Variants in HTR2C observed in about 807,000 individuals in gnomAD.
HTR2C encodes 5-hydroxytryptamine receptor 2C.
Under a neutral mutation model 21.0 loss-of-function variants are expected in HTR2C, and 5 were observed. The observed-to-expected ratio is 0.24, with a 90% confidence interval of 0.12 to 0.50. HTR2C has a LOEUF of 0.50. Among genes scored for constraint, HTR2C ranks in the 20% least tolerant of loss-of-function variants. The pLI is 0.98. For synonymous variants in HTR2C, 150 were observed against 145.3 expected, an observed-to-expected ratio of 1.03 and a Z score of -0.23; for missense variants, 271 against 371.2, an observed-to-expected ratio of 0.73 and a Z score of 2.22.
At chrX:114,654,816 G>A (rs1930724507) in intron 2 of HTR2C, among the ~76,000 whole-genome samples, 1 of 110,469 alleles carries the variant, frequency 9.1e-6, no homozygotes, top group Admixed American at 9.7e-5. Context: ...GAAGGTAGAG[G>A]AGTCAGTCAG....
rs782441080 is a variant in HTR2C, at chrX:114,740,219, T to TTTCTAATGA, written c.349+8614_349+8615insCTAATGATT. On this transcript the variant is annotated intron_variant, in intron 4 of 5. Transcript: ENST00000276198. ...TGGTCCTTAAATACATGAAAATATGTTTAATCTCAATCATTAGAAGGAAAA... is the reference window on the plus strand; with the variant it reads ...TGGTCCTTAAATACATGAAAATATGTTTCTAATGATTAATCTCAATCATTAGAAGGAAAA... Among the ~76,000 whole-genome samples the TTTCTAATGA allele has an allele frequency of 2.7e-5, 3 of 109,876 alleles. No individual in the cohort carries two copies. In the South Asian group the frequency reaches 1.2e-3, roughly 42 times the overall value.
At chrX:114,787,978 A>C (rs1556442495) in intron 4 of HTR2C, among the ~76,000 whole-genome samples, 2 of 110,436 alleles carry the variant, frequency 1.8e-5, no homozygotes, top group African/African-American at 6.6e-5. Context: ...AATCCTAAAA[A>C]AATTCCCTGG....
In HTR2C at chrX:114,825,514, G is replaced by A. The variant is rs188676936; in HGVS notation, c.350-22489G>A. ...GATTGCAACCATTTTAATTTCTTCA[G>A]GTATATTTTATGAGCCAGAATATGG... On this transcript the variant is annotated intron_variant, in intron 4 of 5. Coordinates refer to ENST00000276198, the MANE Select transcript of HTR2C (RefSeq NM_000868.4). 2.5e-3 allele frequency among the ~76,000 whole-genome samples: 282 copies of A among 111,348 alleles called. 1 individual carries two copies. Among genetic ancestry groups the A allele is most frequent in the African/African-American group, 8.8e-3 (269 of 30,736 alleles).
In HTR2C at chrX:114,615,604, G is replaced by A. The variant is rs1191287036; in HGVS notation, c.-80+1723G>A. On this transcript the variant is annotated intron_variant, in intron 2 of 5. Coordinates refer to ENST00000276198, the MANE Select transcript of HTR2C (RefSeq NM_000868.4). ...CAAGACTATCTCACATATATCATTG[G>A]CATGGTAAGCCTCGCCTGGTAGTAA... is the stretch of plus-strand genomic sequence containing the variant. Among the ~76,000 whole-genome samples the A allele has an allele frequency of 4.5e-5, 5 of 111,840 alleles. No individual in the cohort carries two copies. In the South Asian group the frequency reaches 1.9e-3, roughly 42 times the overall value.
At chrX:114,806,190 CAT>C (rs1296527171) in intron 4 of HTR2C, among the ~76,000 whole-genome samples, 6 of 97,730 alleles carry the variant, frequency 6.1e-5, no homozygotes, top group African/African-American at 1.8e-4. Flanking sequence ...ATATATACAC[CAT>C]ATATATACCA....
At chrX:114,611,081 T>C in intron 1 of HTR2C, among the ~76,000 whole-genome samples, 1 of 112,188 alleles carries the variant, frequency 8.9e-6, no homozygotes, top group Middle Eastern at 4.7e-3. Context: ...GGAGCAGTAA[T>C]GTTTTAGTGT....
At chrX:114,719,684 T>G (rs1556420340) in intron 2 of HTR2C, among the ~76,000 whole-genome samples, 1 of 111,871 alleles carries the variant, frequency 8.9e-6, no homozygotes, top group African/African-American at 3.2e-5. Flanking sequence ...TTACTCATTC[T>G]TCTCAATAAA....
intron 2 of HTR2C, among the ~76,000 whole-genome samples, chrX:114,644,367 AT>A (rs1930269932): frequency 0.021 from 997 of 48,194 alleles, 13 homozygotes; most frequent in East Asian, 0.051. Flanking sequence ...AAATAAATAT[AT>A]ATATATATAT....
chrX:114,598,963 G>T (rs1927976782), intron 1 of HTR2C, among the ~76,000 whole-genome samples: 1 of 97,451 alleles, frequency 1.0e-5, no homozygotes, highest in African/African-American at 3.7e-5. Flanking sequence ...ACTGCAGAGA[G>T]AACTTAAATT....
In HTR2C at chrX:114,584,364, A is replaced by G. The variant is rs190545350; in HGVS notation, c.-442A>G. ...AGAAGAAAGAAGACGCGATTAGTGC[A>G]GAGATGCTGGAGGTGGTCAGTTACT... On this transcript the variant is annotated 5_prime_UTR_variant, in exon 1 of 6. Coordinates refer to ENST00000276198, the MANE Select transcript of HTR2C (RefSeq NM_000868.4). 6.3e-4 allele frequency: 71 copies of G among 113,338 alleles called. 1 individual carries two copies. The highest frequency in any genetic ancestry group is 6.0e-3 in the Admixed American group (65 of 10,824). 9.3% of individuals were successfully genotyped at this position (113,338 alleles called of 1,213,427 possible). A position where few individuals can be genotyped will look rare whatever the true frequency, so the allele number is the denominator to read the frequency against.
intron 2 of HTR2C, among the ~76,000 whole-genome samples, chrX:114,644,367 ATATATATATATAT>A (rs1930271417): frequency 0.03 from 1,455 of 48,406 alleles, 36 homozygotes; most frequent in Non-Finnish European, 0.041. Context: ...AAATAAATAT[ATATATATATATAT>A]ATATATATAT....
chrX:114,702,646 C>T lies in HTR2C; in HGVS notation c.-79-24212C>T, dbSNP rs182308886. On this transcript the variant is annotated intron_variant, in intron 2 of 5. Transcript: ENST00000276198. ...GACCATCGAGGCTAGGAAGAAACTG[C>T]ATCAACTAATGAGCAAAATAACCAG... Among the ~76,000 whole-genome samples, 7 of 111,158 alleles carry T rather than the reference C, an allele frequency of 6.3e-5. No homozygotes were observed. The East Asian group carries it at 1.7e-3, about 27-fold the overall frequency.
intron 1 of HTR2C, among the ~76,000 whole-genome samples, chrX:114,608,912 C>T (rs1022213412): frequency 2.7e-5 from 3 of 111,858 alleles, no homozygotes; most frequent in African/African-American, 6.5e-5. Flanking sequence ...CTTTTGTGTA[C>T]GTGGTATTTG....
At chrX:114,739,863 T>C (rs1387155037) in intron 4 of HTR2C, among the ~76,000 whole-genome samples, 1 of 111,254 alleles carries the variant, frequency 9.0e-6, no homozygotes, top group Non-Finnish European at 1.9e-5. Context: ...CCCAGCACTT[T>C]GGGAGGCTGA....
At chrX:114,808,114 C>T in intron 4 of HTR2C, among the ~76,000 whole-genome samples, 1 of 110,529 alleles carries the variant, frequency 9.0e-6, no homozygotes, top group Middle Eastern at 4.7e-3. Flanking sequence ...CTCCCCTCCC[C>T]CAAACCCACT....
chrX:114,886,568 T>G (rs782702412), intron 5 of HTR2C, among the ~76,000 whole-genome samples: 88 of 111,150 alleles, frequency 7.9e-4, no homozygotes, highest in African/African-American at 2.9e-3. Context: ...GCTTCATATA[T>G]GTACTAACTT....
chrX:114,818,934 CT>C (rs1439869871), intron 4 of HTR2C, among the ~76,000 whole-genome samples: 1 of 111,461 alleles, frequency 9.0e-6, no homozygotes, highest in Non-Finnish European at 1.9e-5. Flanking sequence ...TTTGCTTTGG[CT>C]TTCTTCTCTT....
chrX:114,903,506 A>G (rs1434722125), intron 5 of HTR2C, among the ~76,000 whole-genome samples: 1 of 112,506 alleles, frequency 8.9e-6, no homozygotes, highest in Admixed American at 9.4e-5. Context: ...AATAATACAA[A>G]TAGATGCCAG....
intron 2 of HTR2C, among the ~76,000 whole-genome samples, chrX:114,697,528 C>T (rs1028949045): frequency 3.6e-5 from 4 of 111,694 alleles, no homozygotes; most frequent in Non-Finnish European, 7.5e-5. Context: ...CTGAATCTTC[C>T]GTATTTATTT....
Sources: gnomAD v4.1 joint callset for allele counts (sites outside exome capture counted in the v4.1 genomes callset) on GRCh38, gnomAD v4.1.1 for gene constraint, MANE v1.5 for transcripts, NCBI Gene and HGNC (gene_info 2026-07-23, HGNC 2026-07-21) for gene names.